Variants in TMEM63B observed in about 807,000 individuals in gnomAD.
TMEM63B encodes mechanosensitive cation channel TMEM63B.
A neutral mutation model predicts 102.6 loss-of-function variants in TMEM63B; 23 were observed. The ratio of observed to expected loss-of-function variants is 0.22; its 90% CI spans 0.16 to 0.32. The LOEUF (loss-of-function observed/expected upper bound fraction) is 0.32, where lower values mean the gene tolerates loss of function less well. Among genes scored for constraint, TMEM63B ranks in the 10% least tolerant of loss-of-function variants. TMEM63B has a pLI of 1.00. For synonymous variants in TMEM63B, 444 were observed against 437.0 expected (o/e 1.02, Z -0.20); for missense variants, 628 against 1,095.9 (o/e 0.57, Z 6.03).
intron 10 of TMEM63B, 117 bp downstream of exon 10, chr6:44,141,215 AT>A: frequency 9.7e-7 from 1 of 1,033,218 alleles, no homozygotes; most frequent in Non-Finnish European, 1.4e-6. Flanking sequence ...TGGGATAGAG[AT>A]TAGATCCAGG....
intron 1 of TMEM63B, among the ~76,000 whole-genome samples, chr6:44,132,110 C>G (rs1260451392): frequency 1.3e-5 from 2 of 152,228 alleles, no homozygotes; most frequent in Non-Finnish European, 2.9e-5. Context: ...GGCTCCACCC[C>G]TTACCTGTCC....
chr6:44,138,347 A>T, intron 5 of TMEM63B, 133 bp from the exon 6 acceptor site: 1 of 1,134,734 alleles, frequency 8.8e-7, no homozygotes, highest in Non-Finnish European at 1.3e-6. Flanking sequence ...CTGAGGGTAT[A>T]AGGATTTTTT....
intron 11 of TMEM63B, 32 bp from the exon 12 acceptor site, chr6:44,147,345 G>T: frequency 6.2e-7 from 1 of 1,614,072 alleles, no homozygotes; most frequent in Non-Finnish European, 8.5e-7. Flanking sequence ...CCCAGCCCCA[G>T]ATGTAGGTGA....
chr6:44,154,794 G>A lies in TMEM63B; in HGVS notation c.2410G>A (p.Glu804Lys). The A allele has an allele frequency of 6.2e-7, 1 of 1,610,690 alleles. No individual in the cohort carries two copies. Among genetic ancestry groups the A allele is most frequent in the South Asian group, 1.1e-5 (1 of 90,846 alleles). Residue 804 changes from glutamate to lysine, a missense_variant, in exon 24 of 24, where the codon GAG (glutamate) becomes AAG (lysine). Physicochemically the swap from Glu to Lys is moderately conservative, Grantham distance 56. Coordinates refer to ENST00000323267, the MANE Select transcript of TMEM63B (RefSeq NM_018426.3). ...GCCCCCATCATCCTCATCCCAAGAT[G>A]AGGAGTTGCTGATGCCACCCGACGC... Reference protein sequence around the residue: ...DEPPSSSSQDEELLMPPDALT... With the variant: ...DEPPSSSSQDKELLMPPDALT...
intron 12 of TMEM63B, 35 bp downstream of exon 12, chr6:44,147,535 T>G (rs747153286): frequency 7.5e-6 from 12 of 1,610,522 alleles, no homozygotes; most frequent in Admixed American, 3.4e-5. Flanking sequence ...TCGGGAGAAG[T>G]TGGACAGGTC....
rs1486548347 is a variant in TMEM63B at position 44,149,908 on chromosome 6, C to T, written c.1463C>T (p.Ser488Leu). 8 of 1,613,526 alleles carry T rather than the reference C, an allele frequency of 5.0e-6. No homozygotes were observed. The highest frequency in any genetic ancestry group is 6.8e-6 in the Non-Finnish European group (8 of 1,179,784). Residue 488 changes from serine (S) to leucine (L), a missense_variant, in exon 16 of 24, where the codon TCG (serine) becomes TTG (leucine). Ser to Leu is a moderately radical substitution (Grantham distance 145, BLOSUM62 -2). Coordinates refer to ENST00000323267, the MANE Select transcript of TMEM63B (RefSeq NM_018426.3). ...CCCACCCTGCTGCTGTGGTGCTTCT[C>T]GGCCCTCCTTCCCACCATCGTCTAC... ...FFPTLLLWCF[S>L]ALLPTIVYYS...
intron 4 of TMEM63B, 149 bp downstream of exon 4, chr6:44,135,515 G>A: frequency 1.0e-6 from 1 of 996,948 alleles, no homozygotes. Context: ...CAGGCGGTGT[G>A]CTTTGCAGAG....
chr6:44,140,402 C>G (rs1763979902), intron 9 of TMEM63B, 42 bp downstream of exon 9: 1 of 1,478,728 alleles, frequency 6.8e-7, no homozygotes, highest in African/African-American at 1.4e-5. Context: ...TCCCCAGCCT[C>G]TTCCCTTCCC....
chr6:44,138,498 A>T lies in TMEM63B; in HGVS notation c.388A>T (p.Thr130Ser). Reference protein sequence around the residue: ...QRDNGFCSWLTAIFRIKDDEI... With the variant: ...QRDNGFCSWLSAIFRIKDDEI... ...CCCCCAGGGTTTCTGTTCCTGGCTG[A>T]CAGCCATCTTCAGGATAAAGTAAGT... The change falls in exon 6 of 24, where the codon ACA becomes TCA. Residue 130 changes from threonine to serine, a missense_variant. Thr to Ser is a moderately conservative substitution (Grantham distance 58). This residue lies in a region of TMEM63B where 336 missense variants were observed against 580.3 expected (regional missense o/e 0.58). Transcript: ENST00000323267. The T allele has an allele frequency of 6.2e-7, 1 of 1,614,086 alleles. No homozygotes were observed. Among genetic ancestry groups the T allele is most frequent in the African/African-American group, 1.3e-5 (1 of 75,016 alleles).
chr6:44,130,006 C>T (rs1777964175), intron 1 of TMEM63B, among the ~76,000 whole-genome samples: 1 of 152,192 alleles, frequency 6.6e-6, no homozygotes, highest in Admixed American at 6.5e-5. Flanking sequence ...GACTATGGTG[C>T]CTGTCCCCTA....
chr6:44,140,991 A>G (rs1053556409), intron 9 of TMEM63B, 37 bp from the exon 10 acceptor site: 2 of 1,604,902 alleles, frequency 1.2e-6, no homozygotes, highest in African/African-American at 1.3e-5. Context: ...CACTGGGGTC[A>G]AGCCTCAGAA....
At position 44,148,855 on chromosome 6, in the gene TMEM63B, C is replaced by G; in HGVS notation, c.1323C>G (p.Leu441=). ...WLRCLVINVV[L]FILLFFLTTP... ...GCTGCCTGGTCATCAATGTCGTCCT[C>G]TTCATCCTCCTCTTCTTCCTCACCA... Residue 441 remains leucine, a synonymous_variant, in exon 15 of 24, where the codon CTC becomes CTG. Coordinates refer to ENST00000323267, the MANE Select transcript of TMEM63B (RefSeq NM_018426.3). The surrounding 1 kb of genome is among the most constrained non-coding windows in gnomAD (Gnocchi z 5.1). 3 of 1,614,172 alleles carry G rather than the reference C, an allele frequency of 1.9e-6. No individual in the cohort carries two copies. Among genetic ancestry groups the G allele is most frequent in the Non-Finnish European group, 2.5e-6 (3 of 1,180,028 alleles).
At chr6:44,135,424 C>CA in intron 4 of TMEM63B, 58 bp downstream of exon 4, 1 of 1,562,972 alleles carries the variant, frequency 6.4e-7, no homozygotes, top group Non-Finnish European at 8.7e-7. Context: ...TTTCTTCTCT[C>CA]ACGCTTCTCT....
chr6:44,148,600 C>T lies in TMEM63B; in HGVS notation c.1209C>T (p.His403=), dbSNP rs749311750. The T allele has an allele frequency of 1.2e-6, 2 of 1,614,254 alleles. No homozygotes were observed. Among genetic ancestry groups the T allele is most frequent in the South Asian group, 2.2e-5 (2 of 91,088 alleles). ...PRPSSCSESL[H]ISNWTVSYAP... ...CCTCATCCTGCAGCGAGTCCCTGCA[C>T]ATCTCCAACTGGACCGTGTCCTATG... Residue 403 remains histidine (H), a synonymous_variant, in exon 14 of 24, where the codon CAC becomes CAT. Coordinates refer to ENST00000323267, the MANE Select transcript of TMEM63B (RefSeq NM_018426.3). The surrounding 1 kb of genome is among the most constrained non-coding windows in gnomAD (Gnocchi z 5.1).
At chr6:44,154,542 C>A in intron 23 of TMEM63B, 97 bp downstream of exon 23, 1 of 1,533,380 alleles carries the variant, frequency 6.5e-7, no homozygotes, top group Non-Finnish European at 8.9e-7. Flanking sequence ...TGTGCCAGAC[C>A]CCATGGGGGC....
intron 6 of TMEM63B, 174 bp downstream of exon 6, chr6:44,138,691 T>G (rs1483496397): frequency 1.0e-5 from 6 of 591,638 alleles, no homozygotes; most frequent in Non-Finnish European, 1.8e-5. Flanking sequence ...TGCTGTACCC[T>G]GAACACTCAC....
chr6:44,138,917 A>G, intron 6 of TMEM63B: 1 of 287,852 alleles, frequency 3.5e-6, no homozygotes, highest in South Asian at 3.9e-5. Flanking sequence ...TGAGAAAGGC[A>G]GGAAGCCAGG....
Position 44,135,340 on chromosome 6 carries a change from G to A in TMEM63B, c.252G>A (p.Gln84=). The change falls in exon 4 of 24, where the codon CAG becomes CAA. Residue 84 remains glutamine, a synonymous_variant. Coordinates refer to ENST00000323267, the MANE Select transcript of TMEM63B (RefSeq NM_018426.3). ...LVTDADRLRR[Q]ERDRVEQEYV... Reference sequence around the variant, plus strand: ...TCTCTGTCCCCAGGCTTCGGCGGCAGGAGAGGGACCGAGTGGAACAGGAAT... The same window carrying A: ...TCTCTGTCCCCAGGCTTCGGCGGCAAGAGAGGGACCGAGTGGAACAGGAAT... 2 of 1,613,094 alleles carry A rather than the reference G, an allele frequency of 1.2e-6. No homozygotes were observed. Among genetic ancestry groups the A allele is most frequent in the Non-Finnish European group, 1.7e-6 (2 of 1,179,478 alleles).
At chr6:44,134,918 C>T (rs1582767935) in intron 2 of TMEM63B, 99 bp from the exon 3 acceptor site, 2 of 1,513,510 alleles carry the variant, frequency 1.3e-6, no homozygotes, top group Non-Finnish European at 1.8e-6. Flanking sequence ...CAGGGTCATC[C>T]CCTTCTAAGA....
Sources: allele counts gnomAD v4.1 joint callset (sites outside exome capture counted in the v4.1 genomes callset), GRCh38; gene constraint gnomAD v4.1.1; regional missense constraint gnomAD v4.1.1; non-coding constraint Gnocchi (gnomAD v3.1); transcripts MANE v1.5; gene names NCBI Gene and HGNC (gene_info 2026-07-23, HGNC 2026-07-21).